LOC122539214: variants seen among roughly 807,000 people sequenced by gnomAD.
At chr19:52,652,305 G>A in the LOC122539214 span, 1 of 246,168 alleles carries the variant, frequency 4.1e-6, no homozygotes, top group Non-Finnish European at 8.0e-6. Context: ...GCTTGGTGGA[G>A]CATGCTTGTA....
chr19:52,686,097 T>C, the LOC122539214 span, among the ~76,000 whole-genome samples: 5 of 152,186 alleles, frequency 3.3e-5, no homozygotes, highest in South Asian at 4.1e-4. Context: ...CTGGTTAAAC[T>C]GCATTTTGAT....
chr19:52,676,888 T>A, the LOC122539214 span, among the ~76,000 whole-genome samples: 43 of 124,068 alleles, frequency 3.5e-4, no homozygotes, highest in Admixed American at 3.2e-3. Flanking sequence ...GGATTAAGGG[T>A]GGTGCAAGAT....
the LOC122539214 span, among the ~76,000 whole-genome samples, chr19:52,674,582 G>A: frequency 2.0e-5 from 3 of 152,124 alleles, no homozygotes; most frequent in African/African-American, 7.2e-5. Flanking sequence ...GATTTGCAGA[G>A]TACAATATTA....
the LOC122539214 span, among the ~76,000 whole-genome samples, chr19:52,657,847 A>G: frequency 2.2e-4 from 32 of 143,476 alleles, 1 homozygote; most frequent in South Asian, 1.1e-3. Context: ...AACTCTGTCT[A>G]AAAAAAAAAA....
the LOC122539214 span, among the ~76,000 whole-genome samples, chr19:52,656,864 C>CAAAAAAAAAAAAAAAAAAAAAAAAAAAAA: frequency 1.5e-5 from 2 of 136,564 alleles, no homozygotes; most frequent in African/African-American, 2.6e-5. Context: ...GACTCCGTCT[C>CAAAAAAAAAAAAAAAAAAAAAAAAAAAAA]AAAAAAAAAA....
chr19:52,659,717 G>C, the LOC122539214 span, among the ~76,000 whole-genome samples: 1 of 151,774 alleles, frequency 6.6e-6, no homozygotes, highest in Non-Finnish European at 1.5e-5. Flanking sequence ...CTAATTTCAG[G>C]ATGCAAAAGA....
the LOC122539214 span, among the ~76,000 whole-genome samples, chr19:52,658,423 A>G: frequency 1.5e-3 from 222 of 152,238 alleles, 1 homozygote; most frequent in African/African-American, 5.1e-3. Context: ...ACAATTAGCC[A>G]GGTGTGGTGG....
chr19:52,663,219 G>C, the LOC122539214 span, among the ~76,000 whole-genome samples: 2 of 152,184 alleles, frequency 1.3e-5, no homozygotes, highest in East Asian at 3.9e-4. Flanking sequence ...CAAAAGAAAT[G>C]TCTCTTTCAA....
chr19:52,676,420 G>A, the LOC122539214 span, among the ~76,000 whole-genome samples: 4 of 151,986 alleles, frequency 2.6e-5, no homozygotes, highest in South Asian at 2.1e-4. Context: ...GGGAAGTGAG[G>A]AGCGTCTCTG....
At chr19:52,652,572 A>G in the LOC122539214 span, 2 of 433,938 alleles carry the variant, frequency 4.6e-6, no homozygotes, top group Non-Finnish European at 9.3e-6. Flanking sequence ...GTTTCTTTCC[A>G]GTATGAGTTC....
chr19:52,655,691 A>T, the LOC122539214 span: 1 of 1,052,222 alleles, frequency 9.5e-7, no homozygotes, highest in Non-Finnish European at 1.5e-6. Flanking sequence ...AGCATCCCTA[A>T]AATTAAACAC....
chr19:52,666,681 G>A, the LOC122539214 span, among the ~76,000 whole-genome samples: 1 of 149,088 alleles, frequency 6.7e-6, no homozygotes, highest in Non-Finnish European at 1.5e-5. Flanking sequence ...CTTCAAGTAT[G>A]AGGCTATTCT....
At chr19:52,677,485 CAAAAAGAA>C in the LOC122539214 span, among the ~76,000 whole-genome samples, 5 of 150,650 alleles carry the variant, frequency 3.3e-5, no homozygotes, top group Admixed American at 6.6e-5. Flanking sequence ...GACTCTGTCT[CAAAAAGAA>C]AAAAAGAAAA....
chr19:52,690,280 T>A, the LOC122539214 span, among the ~76,000 whole-genome samples: 1 of 152,022 alleles, frequency 6.6e-6, no homozygotes, highest in Non-Finnish European at 1.5e-5. Context: ...AGGGCGACTT[T>A]AGACCCAAAA....
the LOC122539214 span, among the ~76,000 whole-genome samples, chr19:52,690,068 C>T: frequency 1.3e-5 from 2 of 151,938 alleles, no homozygotes; most frequent in African/African-American, 4.8e-5. Flanking sequence ...GGCCGCGGCG[C>T]TGCGCTTCAG....
the LOC122539214 span, among the ~76,000 whole-genome samples, chr19:52,687,338 A>ATATAATTTATATAGCTATATAAAT: frequency 7.9e-6 from 1 of 126,580 alleles, no homozygotes; most frequent in African/African-American, 3.3e-5. Context: ...ATATATAGAT[A>ATATAATTTATATAGCTATATAAAT]TATAATTTAT....
chr19:52,681,330 A>T, the LOC122539214 span, among the ~76,000 whole-genome samples: 2 of 149,976 alleles, frequency 1.3e-5, no homozygotes, highest in Non-Finnish European at 3.0e-5. Context: ...TTCTCTACAG[A>T]TAGTATGTTC....
chr19:52,684,874 C>G, the LOC122539214 span, among the ~76,000 whole-genome samples: 1 of 152,192 alleles, frequency 6.6e-6, no homozygotes, highest in Non-Finnish European at 1.5e-5. Context: ...GGCAGGGGCC[C>G]TGGACACAGG....
the LOC122539214 span, among the ~76,000 whole-genome samples, chr19:52,685,897 CAAAAAAAAA>C: frequency 1.4e-4 from 19 of 132,546 alleles, no homozygotes; most frequent in East Asian, 9.7e-4. Context: ...GTAACTGTCA[CAAAAAAAAA>C]AAAAAAAAAA....
Sources: gnomAD v4.1 joint callset for allele counts (sites outside exome capture counted in the v4.1 genomes callset) on GRCh38, gnomAD v4.1.1 for gene constraint, MANE v1.5 for transcripts.